The following AXIN1 variants were observed in gnomAD, a reference collection of about 807,000 sequenced individuals.
The protein encoded by AXIN1 is axin 1.
AXIN1 carries 30 observed loss-of-function variants against 76.4 expected under a neutral mutation model. The ratio of observed to expected loss-of-function variants is 0.39; its 90% CI spans 0.29 to 0.53. The LOEUF is 0.53. Ranked by LOEUF, AXIN1 falls within the 20% of genes least tolerant of loss-of-function variation. The pLI, the probability that AXIN1 is intolerant of heterozygous loss-of-function variation, is 0.66. For missense variants in AXIN1, 1,140 were observed against 1,198.8 expected, an observed-to-expected ratio of 0.95 and a Z score of 0.72; for synonymous variants, 545 against 501.4, an observed-to-expected ratio of 1.09 and a Z score of -1.16.
chr16:304,180 G>A, intron 5 of AXIN1, 124 bp downstream of exon 5: 1 of 1,511,084 alleles, frequency 6.6e-7, no homozygotes. Flanking sequence ...TCAGCCGGGA[G>A]GCCTCATGGG....
chr16:342,505 C>G (rs8060374), intron 2 of AXIN1, among the ~76,000 whole-genome samples: 50,748 of 152,112 alleles, frequency 0.33, 9,786 homozygotes, highest in African/African-American at 0.53. Context: ...TACCCACTCT[C>G]CTTTTCCCTT....
intron 2 of AXIN1, among the ~76,000 whole-genome samples, chr16:341,378 C>T (rs145278680): frequency 6.6e-6 from 1 of 152,380 alleles, no homozygotes; most frequent in East Asian, 1.9e-4. Context: ...GCCCTGCCGG[C>T]CGCGGGCAAT....
chr16:311,729 C>T (rs2053185576), intron 3 of AXIN1, among the ~76,000 whole-genome samples: 1 of 152,102 alleles, frequency 6.6e-6, no homozygotes, highest in Non-Finnish European at 1.5e-5. Flanking sequence ...CGAGATTGTG[C>T]CACTGCACTC....
chr16:313,459 CG>C (rs2053228223), intron 3 of AXIN1, among the ~76,000 whole-genome samples: 1 of 152,226 alleles, frequency 6.6e-6, no homozygotes, highest in Admixed American at 6.5e-5. Flanking sequence ...CCCAGCTAAG[CG>C]GGAAAGACAT....
In AXIN1 at chr16:314,631, C is replaced by A. The variant is rs1326163069; in HGVS notation, c.931G>T (p.Ala311Ser). The A allele has an allele frequency of 4.3e-6, 7 of 1,613,906 alleles. No homozygotes were observed. The highest frequency in any genetic ancestry group is 5.9e-6 in the Non-Finnish European group (7 of 1,180,034). The change falls in exon 3 of 11, where the codon GCC becomes TCC. Residue 311 changes from alanine to serine, a missense_variant. By Grantham distance (99) the Ala-to-Ser change is moderately conservative (BLOSUM62 1). Coordinates refer to ENST00000262320, the MANE Select transcript of AXIN1 (RefSeq NM_003502.4). ...VNPYYVNAGY[A>S]LAPATSANDS... ...TTGGCACTGGTGGCTGGGGCCAGGGCATAGCCGGCATTGACATAATAGGGG... is the reference window on the plus strand; with the variant it reads ...TTGGCACTGGTGGCTGGGGCCAGGGAATAGCCGGCATTGACATAATAGGGG...
At position 297,904 on chromosome 16, in the gene AXIN1, G is replaced by A. The variant is rs141481399; in HGVS notation, c.1602C>T (p.His534=). ...LDAAGLHHHR[H]VHHHVHHSTA... Reference sequence around the variant, plus strand: ...TGCTGTGGTGGACGTGGTGGTGGACGTGTCGGTGGTGGTGCAGGCCGGCCG... The same window carrying A: ...TGCTGTGGTGGACGTGGTGGTGGACATGTCGGTGGTGGTGCAGGCCGGCCG... The change falls in exon 6 of 11, where the codon CAC becomes CAT. Residue 534 remains histidine, a synonymous_variant. Transcript: ENST00000262320. 1.1e-4 allele frequency: 175 copies of A among 1,594,700 alleles called. No homozygotes were observed. The African/African-American group carries it at 1.9e-3, about 17-fold the overall frequency.
intron 2 of AXIN1, among the ~76,000 whole-genome samples, chr16:336,374 G>A (rs1031694257): frequency 1.3e-5 from 2 of 152,190 alleles, no homozygotes; most frequent in Non-Finnish European, 2.9e-5. Flanking sequence ...CAGTGAGCAC[G>A]TTACTCAGAA....
intron 1 of AXIN1, among the ~76,000 whole-genome samples, chr16:350,208 A>G (rs894119213): frequency 6.6e-6 from 1 of 152,232 alleles, no homozygotes; most frequent in Non-Finnish European, 1.5e-5. Flanking sequence ...CTGGAAGCAC[A>G]TGAACCCCTC....
At chr16:299,985 C>T (rs111775379) in intron 5 of AXIN1, among the ~76,000 whole-genome samples, 4,999 of 150,586 alleles carry the variant, frequency 0.033, 271 homozygotes, top group African/African-American at 0.11. Flanking sequence ...TTTTTTGAGA[C>T]GGAGTTTCAC....
At chr16:307,120 G>A (rs984183719) in intron 4 of AXIN1, among the ~76,000 whole-genome samples, 2 of 152,228 alleles carry the variant, frequency 1.3e-5, no homozygotes, top group Admixed American at 6.5e-5. Flanking sequence ...CAGACAGCCA[G>A]AGGCGCAGAC....
chr16:294,446 G>A (rs1278798867), intron 7 of AXIN1, among the ~76,000 whole-genome samples: 1 of 122,226 alleles, frequency 8.2e-6, no homozygotes, highest in Non-Finnish European at 1.6e-5. Flanking sequence ...CTAGGCAAGA[G>A]TGAGACTCCA....
intron 4 of AXIN1, among the ~76,000 whole-genome samples, chr16:308,332 C>T (rs2141565318): frequency 1.3e-5 from 2 of 152,340 alleles, no homozygotes; most frequent in South Asian, 2.1e-4. Flanking sequence ...GTTCCAGGCA[C>T]CAACGCACTC....
At chr16:323,431 TC>T (rs1249639459) in intron 2 of AXIN1, among the ~76,000 whole-genome samples, 1 of 104,120 alleles carries the variant, frequency 9.6e-6, no homozygotes, top group Admixed American at 1.2e-4. Context: ...AGAGCGAGAC[TC>T]CGTCTCAAAA....
At chr16:304,533 G>GTATTT in intron 4 of AXIN1, 92 bp from the exon 5 acceptor site, 1 of 1,569,636 alleles carries the variant, frequency 6.4e-7, no homozygotes, top group South Asian at 1.1e-5. Flanking sequence ...TATCTCTGTT[G>GTATTT]TATTTTATTT....
intron 2 of AXIN1, among the ~76,000 whole-genome samples, chr16:324,543 G>C (rs527665879): frequency 1.3e-5 from 2 of 152,218 alleles, no homozygotes; most frequent in Non-Finnish European, 2.9e-5. Flanking sequence ...ACAGAAGCTT[G>C]ACAAACACAA....
chr16:352,655 C>T lies in AXIN1; in HGVS notation c.-368G>A, dbSNP rs975391779. 2 of 156,974 alleles carry T rather than the reference C, an allele frequency of 1.3e-5. No individual in the cohort carries two copies. Among genetic ancestry groups the T allele is most frequent in the East Asian group, 3.3e-4 (2 of 6,110 alleles). The allele number at this position is 156,974 out of a possible 1,614,324, so 9.7% of individuals were successfully genotyped here. On this transcript the variant is annotated 5_prime_UTR_variant, in exon 1 of 11. Coordinates refer to ENST00000262320, the MANE Select transcript of AXIN1 (RefSeq NM_003502.4). ...CGGCGGCAGCGGCCACGATCGCCTC[C>T]CGAGCCAGAGCCCGAGCCAGAGCGC...
At chr16:347,176 A>C in intron 1 of AXIN1, 70 bp from the exon 2 acceptor site, 35 of 1,374,330 alleles carry the variant, frequency 2.5e-5, no homozygotes, top group Non-Finnish European at 3.3e-5. Flanking sequence ...AGGTTTTCTC[A>C]AGACAAGACT....
At chr16:319,770 T>C (rs934156209) in intron 2 of AXIN1, among the ~76,000 whole-genome samples, 2 of 152,196 alleles carry the variant, frequency 1.3e-5, no homozygotes, top group South Asian at 2.1e-4. Flanking sequence ...CCATTCTATA[T>C]TCTTCTACTT....
At chr16:341,252 G>A (rs557912194) in intron 2 of AXIN1, among the ~76,000 whole-genome samples, 92 of 152,396 alleles carry the variant, frequency 6.0e-4, no homozygotes, top group Non-Finnish European at 1.2e-3. Flanking sequence ...CTCAGCTTGC[G>A]GGGAGGTGTG....
Sources: gnomAD v4.1 joint callset for allele counts (sites outside exome capture counted in the v4.1 genomes callset) on GRCh38, gnomAD v4.1.1 for gene constraint, MANE v1.5 for transcripts, NCBI Gene and HGNC (gene_info 2026-07-23, HGNC 2026-07-21) for gene names.